SNED1: variants seen among roughly 807,000 people sequenced by gnomAD.
SNED1 encodes sushi, nidogen and EGF-like domain-containing protein 1.
A neutral mutation model predicts 166.7 loss-of-function variants in SNED1; 81 were observed. That is an observed-to-expected ratio of 0.49 (90% CI 0.41 to 0.58). The LOEUF (loss-of-function observed/expected upper bound fraction) is 0.58, where lower values mean the gene tolerates loss of function less well. Among genes scored for constraint, SNED1 ranks in the 20% least tolerant of loss-of-function variants. SNED1 has a pLI of 0.00. For synonymous variants in SNED1, 762 were observed against 822.0 expected (o/e 0.93, Z 1.25); for missense variants, 1,604 against 2,000.2 (o/e 0.80, Z 3.78).
chr2:241,063,796 C>G, intron 18 of SNED1, 96 bp downstream of exon 18: 1 of 989,906 alleles, frequency 1.0e-6, no homozygotes, highest in African/African-American at 1.6e-5. Flanking sequence ...GCTGGGCAGG[C>G]CACCTGGGGA....
intron 9 of SNED1, 28 bp from the exon 10 acceptor site, chr2:241,048,634 G>T (rs2061736182): frequency 6.3e-7 from 1 of 1,580,446 alleles, no homozygotes; most frequent in Non-Finnish European, 8.6e-7. Context: ...GCCCCCACAT[G>T]GGAGGCTCCT....
intron 1 of SNED1, among the ~76,000 whole-genome samples, chr2:241,008,635 C>T (rs530597345): frequency 2.6e-5 from 4 of 152,368 alleles, no homozygotes; most frequent in South Asian, 4.1e-4. Flanking sequence ...GGTGCCTTGG[C>T]ATCCATTCTC....
rs2062394332 is a variant in SNED1 at position 241,065,339 on chromosome 2, G to A, written c.2754G>A (p.Glu918=). The change falls in exon 21 of 32, where the codon GAG becomes GAA. Residue 918 remains glutamate, a synonymous_variant. Coordinates refer to ENST00000310397, the MANE Select transcript of SNED1 (RefSeq NM_001080437.3). ...PPTALKMERV[E]ESGVSISWNP... is the part of the protein sequence containing the mutation. ...CGGCCCTCAAGATGGAGAGAGTGGAGGAGAGTGGGGTCTCTATCTCCTGGA... is the reference window on the plus strand; with the variant it reads ...CGGCCCTCAAGATGGAGAGAGTGGAAGAGAGTGGGGTCTCTATCTCCTGGA... The A allele has an allele frequency of 1.2e-6, 2 of 1,613,008 alleles. No individual in the cohort carries two copies. Among genetic ancestry groups the A allele is most frequent in the African/African-American group, 1.3e-5 (1 of 75,038 alleles).
At chr2:241,084,293 C>T (rs2063476366) in intron 29 of SNED1, among the ~76,000 whole-genome samples, 1 of 152,008 alleles carries the variant, frequency 6.6e-6, no homozygotes, top group South Asian at 2.1e-4. Context: ...CCTGCCACCA[C>T]ACCCTGCTAA....
intron 3 of SNED1, among the ~76,000 whole-genome samples, chr2:241,034,291 C>T (rs994397201): frequency 3.3e-5 from 5 of 152,200 alleles, no homozygotes; most frequent in Admixed American, 6.5e-5. Context: ...TTGGGCTGTG[C>T]GCACCCCCAC....
At position 241,033,470 on chromosome 2, in the gene SNED1, G is replaced by A. The variant is rs2061249720; in HGVS notation, c.502-265G>A. 3 of 446,764 alleles carry A rather than the reference G, an allele frequency of 6.7e-6. No homozygotes were observed. In the East Asian group the frequency reaches 1.2e-4, roughly 18 times the overall value. The allele number at this position is 446,764 out of a possible 1,614,324, so 27.7% of individuals were successfully genotyped here. ...GGACAGTGTCTGCTCCCATCTGTGG[G>A]CCCCGCACCCACCCCAGGTGTTTCA... On this transcript the variant is annotated intron_variant, in intron 2 of 31. Coordinates refer to ENST00000310397, the MANE Select transcript of SNED1 (RefSeq NM_001080437.3).
intron 6 of SNED1, among the ~76,000 whole-genome samples, chr2:241,037,797 C>T (rs1349859654): frequency 6.6e-6 from 1 of 152,222 alleles, no homozygotes; most frequent in Admixed American, 6.5e-5. Context: ...AGGGCACAGC[C>T]ACACGGTCCC....
Position 241,030,445 on chromosome 2 carries a change from C to T in SNED1, c.375C>T (p.Ala125=). Residue 125 remains alanine, a synonymous_variant, in exon 2 of 32, where the codon GCC becomes GCT. Coordinates refer to ENST00000310397, the MANE Select transcript of SNED1 (RefSeq NM_001080437.3). ...ACTACCGGGAGGCCACCGACCCAGCCATGCTGCGCCGAGCCACGGAGGACG... is the reference window on the plus strand; with the variant it reads ...ACTACCGGGAGGCCACCGACCCAGCTATGCTGCGCCGAGCCACGGAGGACG... The part of the protein sequence containing the change: ...DVYYREATDP[A]MLRRATEDVR... The T allele has an allele frequency of 1.9e-6, 3 of 1,613,718 alleles. No individual in the cohort carries two copies. Among genetic ancestry groups the T allele is most frequent in the Non-Finnish European group, 2.5e-6 (3 of 1,179,832 alleles).
At chr2:241,054,419 A>G (rs1472438426) in intron 16 of SNED1, among the ~76,000 whole-genome samples, 1 of 152,170 alleles carries the variant, frequency 6.6e-6, no homozygotes, top group Non-Finnish European at 1.5e-5. Context: ...AAATTTAAAA[A>G]CTAGCCCGGC....
chr2:241,002,837 C>T (rs1352405266), intron 1 of SNED1, among the ~76,000 whole-genome samples: 1 of 152,112 alleles, frequency 6.6e-6, no homozygotes, highest in Non-Finnish European at 1.5e-5. Context: ...CCACCCATCT[C>T]CATGAATAAA....
intron 27 of SNED1, 104 bp from the exon 28 acceptor site, chr2:241,081,573 C>G (rs192662176): frequency 6.0e-6 from 5 of 836,558 alleles, no homozygotes; most frequent in Non-Finnish European, 9.7e-6. Context: ...GAGGAGTGCA[C>G]GGCCACCCTG....
chr2:241,004,405 T>C (rs952412438), intron 1 of SNED1, among the ~76,000 whole-genome samples: 1 of 152,250 alleles, frequency 6.6e-6, no homozygotes, highest in African/African-American at 2.4e-5. Flanking sequence ...ATTATCAATA[T>C]GGTTGAATTT....
chr2:241,001,228 G>A (rs2060069325), intron 1 of SNED1, among the ~76,000 whole-genome samples: 1 of 152,254 alleles, frequency 6.6e-6, no homozygotes, highest in Non-Finnish European at 1.5e-5. Context: ...GCTTGACCAA[G>A]AGTAGGCTTG....
rs1384445317 is a variant in SNED1 at position 240,998,736 on chromosome 2, G to A, written c.-102G>A. The A allele has an allele frequency of 1.5e-5, 6 of 401,794 alleles. No homozygotes were observed. In the Admixed American group the frequency reaches 2.6e-4, roughly 18 times the overall value. The allele number at this position is 401,794 out of a possible 1,614,324, so 24.9% of individuals were successfully genotyped here. A position where few individuals can be genotyped will look rare whatever the true frequency, so the allele number is the denominator to read the frequency against. On this transcript the variant is annotated 5_prime_UTR_variant, in exon 1 of 32. Transcript: ENST00000310397. ...CGGCGCGGCCAGCGGGCGCGCCCGC[G>A]CTCCCCGCACCCCGCCTGGCCCTGC...
rs981308026 is a variant in SNED1 at position 241,018,877 on chromosome 2, G to A, written c.214-11407G>A. On this transcript the variant is annotated intron_variant, in intron 1 of 31. Coordinates refer to ENST00000310397, the MANE Select transcript of SNED1 (RefSeq NM_001080437.3). This position sits in a 1 kb window ranked among gnomAD's most constrained non-coding sequence, Gnocchi z 5.4. ...CACCTGGAGAGCAAACCAACCAGGC[G>A]GGCTGGGGCAGCTGTCAGGGAAAGA... Among the ~76,000 whole-genome samples the A allele has an allele frequency of 3.9e-5, 6 of 152,318 alleles. No individual in the cohort carries two copies. Among genetic ancestry groups the A allele is most frequent in the South Asian group, 2.1e-4 (1 of 4,828 alleles).
chr2:241,017,078 C>G (rs1228319038), intron 1 of SNED1, among the ~76,000 whole-genome samples: 2 of 151,654 alleles, frequency 1.3e-5, no homozygotes, highest in Non-Finnish European at 2.9e-5. Context: ...CTCGAACTCC[C>G]GACCTCAGGT....
intron 26 of SNED1, chr2:241,072,213 T>G (rs905610087): frequency 5.5e-6 from 3 of 548,386 alleles, no homozygotes; most frequent in Admixed American, 2.2e-5. Context: ...GCTCTGAGCT[T>G]TGTTTTAGTA....
intron 2 of SNED1, among the ~76,000 whole-genome samples, chr2:241,030,996 C>T (rs527462260): frequency 2.6e-5 from 4 of 152,284 alleles, no homozygotes; most frequent in East Asian, 1.9e-4. Flanking sequence ...CACTCCCTAA[C>T]GAGGACACCT....
chr2:241,054,428 G>A (rs1042546492), intron 16 of SNED1, among the ~76,000 whole-genome samples: 5 of 152,176 alleles, frequency 3.3e-5, no homozygotes, highest in Admixed American at 3.3e-4. Flanking sequence ...AACTAGCCCG[G>A]CGTGGTGGCA....
Sources: allele counts gnomAD v4.1 joint callset (sites outside exome capture counted in the v4.1 genomes callset), GRCh38; gene constraint gnomAD v4.1.1; non-coding constraint Gnocchi (gnomAD v3.1); transcripts MANE v1.5; gene names NCBI Gene and HGNC (gene_info 2026-07-23, HGNC 2026-07-21).